MIPOL1: variants seen among roughly 807,000 people sequenced by gnomAD.
MIPOL1 encodes the protein mirror-image polydactyly 1.
A neutral mutation model predicts 60.9 loss-of-function variants in MIPOL1; 57 were observed. The ratio of observed to expected loss-of-function variants is 0.94; its 90% CI spans 0.76 to 1.17. The LOEUF (loss-of-function observed/expected upper bound fraction) is 1.17, where lower values mean the gene tolerates loss of function less well. Among genes scored for constraint, MIPOL1 ranks in the 50% most tolerant of loss-of-function variants. MIPOL1 has a pLI of 0.00. For synonymous variants in MIPOL1, 179 were observed against 168.8 expected (o/e 1.06, Z -0.47); for missense variants, 551 against 511.6 (o/e 1.08, Z -0.74).
chr14:37,221,411 C>T (rs1414615985), intron 1 of MIPOL1, among the ~76,000 whole-genome samples: 1 of 152,124 alleles, frequency 6.6e-6, no homozygotes, highest in East Asian at 1.9e-4. Context: ...TTAACAGTCC[C>T]ACCTGTTAAT....
intron 11 of MIPOL1, among the ~76,000 whole-genome samples, chr14:37,468,219 A>G (rs925206377): frequency 3.3e-5 from 5 of 151,850 alleles, no homozygotes; most frequent in Non-Finnish European, 7.4e-5. Context: ...ATAAATGTTT[A>G]TTGAATAAAT....
At chr14:37,377,455 C>T (rs895787109) in intron 10 of MIPOL1, among the ~76,000 whole-genome samples, 3 of 152,090 alleles carry the variant, frequency 2.0e-5, no homozygotes, top group African/African-American at 7.2e-5. Context: ...CATTGAACCT[C>T]TTAGCCAATG....
At chr14:37,324,648 A>T (rs889570059) in intron 9 of MIPOL1, among the ~76,000 whole-genome samples, 1 of 152,100 alleles carries the variant, frequency 6.6e-6, no homozygotes, top group Non-Finnish European at 1.5e-5. Flanking sequence ...CAAAGCTGAC[A>T]GCTTGTTTTC....
intron 11 of MIPOL1, among the ~76,000 whole-genome samples, chr14:37,460,089 AAATAAT>A (rs139000493): frequency 1.9e-3 from 276 of 148,952 alleles, no homozygotes; most frequent in African/African-American, 5.6e-3. Context: ...AATAATAGTA[AAATAAT>A]AATAATAATA....
At chr14:37,471,964 G>T (rs1461491786) in intron 11 of MIPOL1, among the ~76,000 whole-genome samples, 1 of 152,184 alleles carries the variant, frequency 6.6e-6, no homozygotes, top group East Asian at 1.9e-4. Context: ...AGGAGGAAGG[G>T]AAGCAGGGCC....
chr14:37,296,718 A>G (rs2085738012), intron 7 of MIPOL1, among the ~76,000 whole-genome samples: 1 of 152,218 alleles, frequency 6.6e-6, no homozygotes, highest in African/African-American at 2.4e-5. Flanking sequence ...AAATGGATAA[A>G]TTCCTGGACA....
At chr14:37,480,837 C>A (rs1244943065) in intron 11 of MIPOL1, among the ~76,000 whole-genome samples, 2 of 151,990 alleles carry the variant, frequency 1.3e-5, no homozygotes, top group Admixed American at 1.3e-4. Context: ...CAAAAAAAAC[C>A]TCTTAGAACT....
chr14:37,379,876 T>G (rs1267870564), intron 10 of MIPOL1, among the ~76,000 whole-genome samples: 1 of 152,106 alleles, frequency 6.6e-6, no homozygotes, highest in Non-Finnish European at 1.5e-5. Context: ...GTAACAAATC[T>G]TTTTTGTTGT....
chr14:37,375,363 A>G (rs1034713621), intron 10 of MIPOL1, among the ~76,000 whole-genome samples: 8 of 152,020 alleles, frequency 5.3e-5, no homozygotes, highest in African/African-American at 1.9e-4. Flanking sequence ...ATGTGCCACC[A>G]TGCCCTGCTG....
intron 11 of MIPOL1, chr14:37,434,376 G>C (rs1370087051): frequency 6.6e-6 from 1 of 151,946 alleles, no homozygotes; most frequent in Non-Finnish European, 1.5e-5. Flanking sequence ...TTTTTGATGA[G>C]GTTGTTTTTT....
intron 11 of MIPOL1, among the ~76,000 whole-genome samples, chr14:37,478,211 A>G (rs2094807483): frequency 1.3e-5 from 2 of 152,208 alleles, no homozygotes; most frequent in Non-Finnish European, 1.5e-5. Flanking sequence ...GAAGACCTCA[A>G]TCATGTATTG....
At chr14:37,406,242 G>A (rs989251206) in intron 10 of MIPOL1, among the ~76,000 whole-genome samples, 1 of 152,020 alleles carries the variant, frequency 6.6e-6, no homozygotes, top group Non-Finnish European at 1.5e-5. Flanking sequence ...TGTTGAAATG[G>A]TATAGAAGAA....
At chr14:37,386,378 G>A (rs1202949528) in intron 10 of MIPOL1, among the ~76,000 whole-genome samples, 2 of 151,898 alleles carry the variant, frequency 1.3e-5, no homozygotes, top group African/African-American at 4.8e-5. Context: ...GATTACAGTA[G>A]CAGACATTTC....
intron 8 of MIPOL1, 109 bp downstream of exon 8, chr14:37,308,198 A>G: frequency 8.1e-7 from 1 of 1,238,150 alleles, no homozygotes; most frequent in Non-Finnish European, 1.1e-6. Context: ...AAGAATTGAC[A>G]CACTAATAAT....
At chr14:37,524,212 T>C (rs150312817) in intron 12 of MIPOL1, among the ~76,000 whole-genome samples, 258 of 152,302 alleles carry the variant, frequency 1.7e-3, no homozygotes, top group Middle Eastern at 6.8e-3. Flanking sequence ...ATGTGGAAGA[T>C]AATTGGAATG....
Position 37,340,956 on chromosome 14 carries a change from A to C in MIPOL1, c.829-28561A>C, listed in dbSNP as rs1231785178. Among the ~76,000 whole-genome samples, 13 of 152,152 alleles carry C rather than the reference A, an allele frequency of 8.5e-5. No homozygotes were observed. In the South Asian group the frequency reaches 2.3e-3, roughly 27 times the overall value. ...ATATTTTCATACCTTTTCTATGTTTAGATGCACAAATACTTAACATCGTGT... is the reference window on the plus strand; with the variant it reads ...ATATTTTCATACCTTTTCTATGTTTCGATGCACAAATACTTAACATCGTGT... On this transcript the variant is annotated intron_variant, in intron 9 of 12. Coordinates refer to ENST00000684589, the MANE Select transcript of MIPOL1 (RefSeq NM_001388067.1).
intron 1 of MIPOL1, among the ~76,000 whole-genome samples, chr14:37,219,969 T>C (rs1467276508): frequency 6.7e-6 from 1 of 150,184 alleles, no homozygotes; most frequent in Non-Finnish European, 1.5e-5. Flanking sequence ...TTTCTTTTGA[T>C]TAGTATTTGC....
intron 5 of MIPOL1, among the ~76,000 whole-genome samples, chr14:37,270,204 TA>T (rs1226927948): frequency 2.0e-5 from 3 of 152,154 alleles, no homozygotes; most frequent in African/African-American, 7.2e-5. Context: ...ACACATAAAT[TA>T]AGTGTATATT....
intron 3 of MIPOL1, among the ~76,000 whole-genome samples, chr14:37,252,191 C>A (rs189002001): frequency 6.6e-6 from 1 of 151,556 alleles, no homozygotes; most frequent in Admixed American, 6.6e-5. Context: ...ATTTTACACA[C>A]AAGTAGTTAT....
Sources: allele counts gnomAD v4.1 joint callset (sites outside exome capture counted in the v4.1 genomes callset), GRCh38; gene constraint gnomAD v4.1.1; transcripts MANE v1.5; gene names NCBI Gene and HGNC (gene_info 2026-07-23, HGNC 2026-07-21).